The following ZSWIM6 variants were observed in gnomAD, a reference collection of about 807,000 sequenced individuals.
The protein encoded by ZSWIM6 is zinc finger SWIM domain-containing protein 6.
In ZSWIM6, 9 loss-of-function variants were observed where a neutral mutation model predicts 113.2. The observed-to-expected ratio is 0.08, with a 90% CI of 0.05 to 0.14. The LOEUF (loss-of-function observed/expected upper bound fraction) is 0.14, where lower values mean the gene tolerates loss of function less well. Ranked by LOEUF, ZSWIM6 falls within the 10% of genes least tolerant of loss-of-function variation. ZSWIM6 has a pLI of 1.00. For missense variants in ZSWIM6, 1,162 were observed against 1,552.2 expected, an observed-to-expected ratio of 0.75 and a Z score of 4.22; for synonymous variants, 611 against 606.5, an observed-to-expected ratio of 1.01 and a Z score of -0.11.
chr5:61,389,554 CAA>C (rs60533774), intron 1 of ZSWIM6, among the ~76,000 whole-genome samples: 1 of 50,980 alleles, frequency 2.0e-5, no homozygotes, highest in Non-Finnish European at 3.9e-5. Context: ...GACTCAGTCT[CAA>C]AAAAAAAAAA....
intron 1 of ZSWIM6, among the ~76,000 whole-genome samples, chr5:61,339,719 A>G (rs556638162): frequency 5.4e-4 from 82 of 152,338 alleles, no homozygotes; most frequent in Non-Finnish European, 4.9e-4. Flanking sequence ...CTTTTTAAAA[A>G]GGTAGTAAAC....
At chr5:61,421,609 T>G (rs1158896558) in intron 1 of ZSWIM6, among the ~76,000 whole-genome samples, 1 of 152,160 alleles carries the variant, frequency 6.6e-6, no homozygotes, top group East Asian at 1.9e-4. Context: ...TACCCAACAG[T>G]TATCTTTTCT....
chr5:61,371,886 A>G (rs1307242516), intron 1 of ZSWIM6, among the ~76,000 whole-genome samples: 5 of 152,260 alleles, frequency 3.3e-5, no homozygotes, highest in African/African-American at 1.2e-4. Context: ...GATAAAGTAT[A>G]TTTTAGAATT....
At chr5:61,446,662 T>A (rs1299369638) in intron 1 of ZSWIM6, among the ~76,000 whole-genome samples, 1 of 152,218 alleles carries the variant, frequency 6.6e-6, no homozygotes, top group Non-Finnish European at 1.5e-5. Context: ...TTTCTGTTTT[T>A]ATCTTACAAA....
rs547909050 is a variant in ZSWIM6, at chr5:61,431,511, C to T, written c.677-41170C>T. ...CTGAAATCCCAGCACTTTGGGAGAC[C>T]GAGGCAGGCAGATCACAAGGTCAGG... is the stretch of plus-strand genomic sequence containing the variant. On this transcript the variant is annotated intron_variant, in intron 1 of 13. Coordinates refer to ENST00000252744, the MANE Select transcript of ZSWIM6 (RefSeq NM_020928.2). Among the ~76,000 whole-genome samples the T allele has an allele frequency of 2.0e-5, 3 of 151,654 alleles. No individual in the cohort carries two copies. In the South Asian group the frequency reaches 6.3e-4, roughly 32 times the overall value.
In ZSWIM6 at chr5:61,448,638, A is replaced by G. The variant is rs181835978; in HGVS notation, c.677-24043A>G. ...GATAATGGTGTTGCTGTGCATTCTG[A>G]AAGGATTTGCAACCTGAGAGAGACA... On this transcript the variant is annotated intron_variant, in intron 1 of 13. Coordinates refer to ENST00000252744, the MANE Select transcript of ZSWIM6 (RefSeq NM_020928.2). Among the ~76,000 whole-genome samples, 494 of 152,254 alleles carry G rather than the reference A, an allele frequency of 3.2e-3. 4 individuals carry two copies. The highest frequency in any genetic ancestry group is 0.021 in the Middle Eastern group (6 of 292).
intron 2 of ZSWIM6, among the ~76,000 whole-genome samples, chr5:61,473,412 A>G (rs1242893516): frequency 6.6e-6 from 1 of 152,208 alleles, no homozygotes; most frequent in Non-Finnish European, 1.5e-5. Context: ...TTTCCAGTGC[A>G]GGAAAGCCTC....
At chr5:61,511,044 T>C (rs1748774460) in intron 4 of ZSWIM6, among the ~76,000 whole-genome samples, 1 of 152,190 alleles carries the variant, frequency 6.6e-6, no homozygotes, top group African/African-American at 2.4e-5. Flanking sequence ...TAATAAAATT[T>C]GGAGAATGAC....
intron 4 of ZSWIM6, among the ~76,000 whole-genome samples, chr5:61,500,126 T>TATTATC (rs913117323): frequency 1.4e-5 from 2 of 145,796 alleles, no homozygotes; most frequent in Non-Finnish European, 3.0e-5. Context: ...TTATTATTAT[T>TATTATC]ATCATTATCA....
chr5:61,432,985 G>A (rs1029265089), intron 1 of ZSWIM6, among the ~76,000 whole-genome samples: 2 of 152,080 alleles, frequency 1.3e-5, no homozygotes, highest in Non-Finnish European at 2.9e-5. Flanking sequence ...TTGTTTTGGT[G>A]GGTCGTTAAA....
chr5:61,390,979 A>T (rs1740971623), intron 1 of ZSWIM6: 7 of 757,074 alleles, frequency 9.2e-6, no homozygotes, highest in Non-Finnish European at 1.5e-5. Flanking sequence ...ATTGTTCTTG[A>T]TCAGTTTGCT....
chr5:61,518,061 A>C (rs1287521964), intron 4 of ZSWIM6, among the ~76,000 whole-genome samples: 1 of 150,802 alleles, frequency 6.6e-6, no homozygotes, highest in Non-Finnish European at 1.5e-5. Context: ...TTCTTGTGAT[A>C]GTTTACTGAG....
At chr5:61,477,299 T>C (rs967483986) in intron 2 of ZSWIM6, among the ~76,000 whole-genome samples, 65 of 152,166 alleles carry the variant, frequency 4.3e-4, no homozygotes, top group African/African-American at 1.4e-3. Context: ...ATCCTGAAAG[T>C]AGCCTAGACT....
At chr5:61,375,550 A>G (rs993604559) in intron 1 of ZSWIM6, 5 of 1,547,646 alleles carry the variant, frequency 3.2e-6, no homozygotes, top group Non-Finnish European at 4.4e-6. Flanking sequence ...TGAAAGCTCC[A>G]TGTCAGAAAC....
In ZSWIM6 at chr5:61,505,714, T is replaced by C. The variant is rs1008950751; in HGVS notation, c.1333+11304T>C. ...TCCCTCCCTTCCTTCCTCCCTTCCT[T>C]CCTTCCTTCCTTCCCTCTCTCTCTC... On this transcript the variant is annotated intron_variant, in intron 4 of 13. Transcript: ENST00000252744. Among the ~76,000 whole-genome samples, 365 of 126,522 alleles carry C rather than the reference T, an allele frequency of 2.9e-3. 7 individuals are homozygous for C. Among genetic ancestry groups the C allele is most frequent in the South Asian group, 6.0e-3 (20 of 3,310 alleles). 83.0% of individuals were successfully genotyped at this position (126,522 alleles called of 152,430 possible). A position where few individuals can be genotyped will look rare whatever the true frequency, so the allele number is the denominator to read the frequency against.
At chr5:61,528,852 T>G (rs964314241) in intron 7 of ZSWIM6, among the ~76,000 whole-genome samples, 1 of 152,138 alleles carries the variant, frequency 6.6e-6, no homozygotes, top group Non-Finnish European at 1.5e-5. Flanking sequence ...CATCCCAGAG[T>G]GCTGAGATTA....
intron 5 of ZSWIM6, among the ~76,000 whole-genome samples, chr5:61,523,826 T>C (rs1356520218): frequency 6.6e-6 from 1 of 152,240 alleles, no homozygotes; most frequent in Non-Finnish European, 1.5e-5. Context: ...TCATTGGTTT[T>C]ATTAGAGCTA....
chr5:61,335,010 C>G (rs754175421), intron 1 of ZSWIM6, among the ~76,000 whole-genome samples: 3 of 152,040 alleles, frequency 2.0e-5, no homozygotes, highest in African/African-American at 4.8e-5. Context: ...GCCAGGAATT[C>G]ACTGTGAAAA....
chr5:61,441,364 T>C (rs1746829975), intron 1 of ZSWIM6, among the ~76,000 whole-genome samples: 2 of 152,196 alleles, frequency 1.3e-5, no homozygotes, highest in Non-Finnish European at 1.5e-5. Context: ...TTAGAGCTAC[T>C]TATTAAATGC....
Sources: gnomAD v4.1 joint callset for allele counts (sites outside exome capture counted in the v4.1 genomes callset) on GRCh38, gnomAD v4.1.1 for gene constraint, MANE v1.5 for transcripts, NCBI Gene and HGNC (gene_info 2026-07-23, HGNC 2026-07-21) for gene names.